Variants in FOXN3 observed in about 807,000 individuals in gnomAD.
FOXN3 encodes the protein forkhead box N3.
In FOXN3, 7 loss-of-function variants were observed where a neutral mutation model predicts 38.4. The observed-to-expected ratio is 0.18, with a 90% CI of 0.10 to 0.34. The LOEUF is 0.34. Ranked by LOEUF, FOXN3 falls within the 10% of genes least tolerant of loss-of-function variation. The probability of loss-of-function intolerance (pLI) is 1.00; values close to 1 mark genes in which losing one functional copy is unlikely to be tolerated. For synonymous variants in FOXN3, 230 were observed against 242.2 expected (o/e 0.95, Z 0.47); for missense variants, 456 against 613.4 (o/e 0.74, Z 2.71).
intron 3 of FOXN3, among the ~76,000 whole-genome samples, chr14:89,304,364 G>C (rs1259561300): frequency 6.6e-6 from 1 of 152,174 alleles, no homozygotes; most frequent in East Asian, 1.9e-4. Context: ...GTTTGAAGGG[G>C]AAAGTGGCTG....
At chr14:89,243,143 C>A (rs1230302055) in intron 4 of FOXN3, among the ~76,000 whole-genome samples, 3 of 152,084 alleles carry the variant, frequency 2.0e-5, no homozygotes, top group African/African-American at 7.2e-5. Context: ...GGGCTCCTAT[C>A]CCCAAAGGGC....
chr14:89,462,408 C>T (rs982020082), intron 1 of FOXN3, among the ~76,000 whole-genome samples: 9 of 152,220 alleles, frequency 5.9e-5, no homozygotes, highest in African/African-American at 2.2e-4. Context: ...GAGAATATAT[C>T]TGGCAAGTTA....
chr14:89,206,055 T>C (rs539921497), intron 4 of FOXN3, among the ~76,000 whole-genome samples: 1 of 152,342 alleles, frequency 6.6e-6, no homozygotes, highest in African/African-American at 2.4e-5. Flanking sequence ...GAGAGCAAGC[T>C]GGCATCAGAC....
chr14:89,533,877 G>A (rs886304880), intron 1 of FOXN3, among the ~76,000 whole-genome samples: 4 of 151,830 alleles, frequency 2.6e-5, no homozygotes, highest in African/African-American at 9.7e-5. Context: ...CCAAGAATGT[G>A]GCTCTACTGT....
intron 1 of FOXN3, among the ~76,000 whole-genome samples, chr14:89,504,627 T>TA (rs1389116738): frequency 6.6e-6 from 1 of 152,172 alleles, no homozygotes; most frequent in Non-Finnish European, 1.5e-5. Context: ...CCTAAGTCTC[T>TA]ACCACTTCCC....
chr14:89,433,769 G>T (rs1168324862), intron 1 of FOXN3, among the ~76,000 whole-genome samples: 1 of 150,346 alleles, frequency 6.7e-6, no homozygotes, highest in South Asian at 2.1e-4. Flanking sequence ...CTGAGATCAC[G>T]CCACTTCACT....
rs909799778 is a variant in FOXN3 at position 89,612,988 on chromosome 14, G to A, written c.-15+6040C>T. The stretch of plus-strand genomic sequence containing the variant: ...CAAAATTAGCCAGGCGTGGTGGCAC[G>A]CACCTGTAATCCCAGCTACTCAGGA... On this transcript the variant is annotated intron_variant, in intron 1 of 6. Coordinates refer to the FOXN3 transcript ENST00000345097. 2.6e-5 allele frequency among the ~76,000 whole-genome samples: 4 copies of A among 151,512 alleles called. No individual in the cohort carries two copies. The East Asian group carries it at 5.9e-4, about 22-fold the overall frequency.
chr14:89,190,687 T>C lies in FOXN3; in HGVS notation c.746-9881A>G, dbSNP rs181943373. 1.8e-3 allele frequency among the ~76,000 whole-genome samples: 275 copies of C among 152,358 alleles called. 1 individual carries two copies. The highest frequency in any genetic ancestry group is 6.3e-3 in the African/African-American group (261 of 41,584). Reference sequence around the variant, plus strand: ...TTTTTCATCACACAAGCATGGTTTCTTCTCATTTTGTTAATTTTATAATTT... The same window carrying C: ...TTTTTCATCACACAAGCATGGTTTCCTCTCATTTTGTTAATTTTATAATTT... On this transcript the variant is annotated intron_variant, in intron 4 of 5. Coordinates refer to ENST00000557258, the MANE Select transcript of FOXN3 (RefSeq NM_005197.4).
chr14:89,371,360 TC>T (rs1221469172), intron 2 of FOXN3, among the ~76,000 whole-genome samples: 1 of 150,780 alleles, frequency 6.6e-6, no homozygotes, highest in Non-Finnish European at 1.5e-5. Context: ...CCGAGAAGAG[TC>T]TGGGGTTCTG....
At chr14:89,241,638 G>A (rs1885142591) in intron 4 of FOXN3, among the ~76,000 whole-genome samples, 1 of 152,180 alleles carries the variant, frequency 6.6e-6, no homozygotes, top group Non-Finnish European at 1.5e-5. Flanking sequence ...TCATACCAAT[G>A]ATTCCTTTTC....
chr14:89,301,539 G>A lies in FOXN3; in HGVS notation c.681-20525C>T, dbSNP rs143094958. On this transcript the variant is annotated intron_variant, in intron 3 of 5. Coordinates refer to ENST00000557258, the MANE Select transcript of FOXN3 (RefSeq NM_005197.4). ...AATCCCAGCACTTTGGGAGGCCGAG[G>A]CAGATGGATCACGAGGTCAGGAGTT... 4.4e-3 allele frequency among the ~76,000 whole-genome samples: 676 copies of A among 152,150 alleles called. 4 individuals are homozygous for A. The highest frequency in any genetic ancestry group is 0.015 in the African/African-American group (641 of 41,508).
At chr14:89,297,172 G>A (rs1162761611) in intron 3 of FOXN3, among the ~76,000 whole-genome samples, 2 of 152,054 alleles carry the variant, frequency 1.3e-5, no homozygotes, top group African/African-American at 4.8e-5. Flanking sequence ...AACTATATAA[G>A]ACATTACCCA....
intron 3 of FOXN3, among the ~76,000 whole-genome samples, chr14:89,288,648 A>C (rs1886715145): frequency 7.9e-5 from 2 of 25,264 alleles, no homozygotes; most frequent in Admixed American, 7.4e-4. Context: ...ACATACTCCA[A>C]AGGCTGTAAT....
chr14:89,313,916 T>C (rs888604590), intron 3 of FOXN3, among the ~76,000 whole-genome samples: 6 of 152,086 alleles, frequency 3.9e-5, no homozygotes, highest in Admixed American at 1.3e-4. Context: ...TCCATATATA[T>C]GAGGTACCCA....
At chr14:89,425,124 G>A (rs1392769645) in intron 1 of FOXN3, among the ~76,000 whole-genome samples, 1 of 144,698 alleles carries the variant, frequency 6.9e-6, no homozygotes, top group Non-Finnish European at 1.5e-5. Context: ...GAATGCAGTG[G>A]CACGATCTTG....
chr14:89,221,547 A>G (rs1884461801), intron 4 of FOXN3, among the ~76,000 whole-genome samples: 1 of 152,228 alleles, frequency 6.6e-6, no homozygotes. Flanking sequence ...CAAATAAAGG[A>G]TAACCAAACT....
chr14:89,515,520 G>A (rs1210172306), intron 1 of FOXN3, among the ~76,000 whole-genome samples: 2 of 152,070 alleles, frequency 1.3e-5, no homozygotes, highest in Admixed American at 1.3e-4. Flanking sequence ...GAGGTCAGGA[G>A]TTCAAGACCA....
At chr14:89,409,068 A>G (rs1290373103) in intron 2 of FOXN3, among the ~76,000 whole-genome samples, 1 of 152,144 alleles carries the variant, frequency 6.6e-6, no homozygotes, top group Non-Finnish European at 1.5e-5. Flanking sequence ...GCCTGGGGGA[A>G]CCCAAGAAAG....
At chr14:89,380,673 T>C (rs777834771) in intron 2 of FOXN3, among the ~76,000 whole-genome samples, 1 of 152,218 alleles carries the variant, frequency 6.6e-6, no homozygotes, top group African/African-American at 2.4e-5. Context: ...CGCACCAGGG[T>C]GCCCACAACC....
Sources: allele counts gnomAD v4.1 joint callset (sites outside exome capture counted in the v4.1 genomes callset), GRCh38; gene constraint gnomAD v4.1.1; transcripts MANE v1.5; gene names NCBI Gene and HGNC (gene_info 2026-07-23, HGNC 2026-07-21).